The following DNAH6 variants were observed in gnomAD, a reference collection of about 807,000 sequenced individuals.
The protein encoded by DNAH6 is dynein axonemal heavy chain 6.
Under a neutral mutation model 491.4 loss-of-function variants are expected in DNAH6, and 340 were observed. The ratio of observed to expected loss-of-function variants is 0.69; its 90% CI spans 0.63 to 0.76. The LOEUF (loss-of-function observed/expected upper bound fraction) is 0.76. Ranked by LOEUF, DNAH6 falls within the 30% of genes least tolerant of loss-of-function variation. DNAH6 has a pLI of 0.00. For missense variants in DNAH6, 4,443 were observed against 4,972.2 expected, an observed-to-expected ratio of 0.89 and a Z score of 3.20; for synonymous variants, 1,603 against 1,686.1, an observed-to-expected ratio of 0.95 and a Z score of 1.21.
At chr2:84,649,305 C>A (rs552633316) in intron 33 of DNAH6, among the ~76,000 whole-genome samples, 1 of 152,158 alleles carries the variant, frequency 6.6e-6, no homozygotes, top group South Asian at 2.1e-4. Flanking sequence ...TATAAATATA[C>A]GATTAAGTTT....
intron 64 of DNAH6, among the ~76,000 whole-genome samples, chr2:84,775,274 C>T (rs911419660): frequency 6.6e-5 from 10 of 152,004 alleles, no homozygotes; most frequent in Admixed American, 6.6e-4. Context: ...TGATCATATG[C>T]TTTTTTATTT....
In DNAH6 at chr2:84,706,954, TAGA is replaced by T. The variant is rs759897874; in HGVS notation, c.8790_8792del (p.Glu2930del). 1 of 1,544,796 alleles carries T rather than the reference TAGA, an allele frequency of 6.5e-7. No homozygotes were observed. The highest frequency in any genetic ancestry group is 1.2e-5 in the South Asian group (1 of 81,796). ...GAAAAGCAAGCATTACTAAGACAAG[TAGA>T]AGATCAAATACAGGCCTTACAAGAT... On this transcript the variant is annotated inframe_deletion, in exon 53 of 77. Coordinates refer to ENST00000389394, the MANE Select transcript of DNAH6 (RefSeq NM_001370.2).
intron 4 of DNAH6, among the ~76,000 whole-genome samples, chr2:84,542,448 G>A (rs1395837123): frequency 6.6e-6 from 1 of 152,150 alleles, no homozygotes; most frequent in African/African-American, 2.4e-5. Flanking sequence ...CATTTCTGGG[G>A]TGAGTTAATT....
At chr2:84,603,418 A>G (rs1685454963) in intron 18 of DNAH6, among the ~76,000 whole-genome samples, 1 of 151,764 alleles carries the variant, frequency 6.6e-6, no homozygotes, top group African/African-American at 2.4e-5. Flanking sequence ...CTCAATTTCT[A>G]TTTTCCTCTG....
At chr2:84,569,753 T>G (rs1279226146) in intron 11 of DNAH6, among the ~76,000 whole-genome samples, 1 of 152,188 alleles carries the variant, frequency 6.6e-6, no homozygotes, top group Non-Finnish European at 1.5e-5. Flanking sequence ...GTGTATTTTA[T>G]TTAGAGTTGA....
chr2:84,672,399 C>G lies in DNAH6; in HGVS notation c.6527C>G (p.Ser2176Cys), dbSNP rs201284092. 9.3e-5 allele frequency: 145 copies of G among 1,551,646 alleles called. No homozygotes were observed. Among genetic ancestry groups the G allele is most frequent in the Admixed American group, 1.4e-4 (7 of 50,998 alleles). The change falls in exon 40 of 77, where the codon TCT (serine) becomes TGT (cysteine). Residue 2176 changes from serine to cysteine, a missense_variant. Transcript: ENST00000389394. ...LNMPRLDRYGSQPPIELLRQY... is the reference protein window; with the variant it reads ...LNMPRLDRYGCQPPIELLRQY... The stretch of plus-strand genomic sequence containing the variant: ...ATGCCCAGACTGGATCGCTATGGCT[C>G]TCAGCCTCCGATTGAATTACTTCGG...
At chr2:84,589,796 T>C (rs1558762036) in intron 16 of DNAH6, among the ~76,000 whole-genome samples, 1 of 150,976 alleles carries the variant, frequency 6.6e-6, no homozygotes, top group African/African-American at 2.4e-5. Context: ...GGGTAAGAGA[T>C]GCAGGTGCTT....
Position 84,781,039 on chromosome 2 carries a change from G to A in DNAH6, c.10704-454G>A, listed in dbSNP as rs184589181. On this transcript the variant is annotated intron_variant, in intron 64 of 76. Transcript: ENST00000389394. ...GGTGGTGGTACATGTGCACATTTGC[G>A]TTGTGAGAATTCATTGACCCATACA... Among the ~76,000 whole-genome samples the A allele has an allele frequency of 2.8e-3, 432 of 152,232 alleles. 3 individuals carry two copies. Among genetic ancestry groups the A allele is most frequent in the African/African-American group, 1.0e-2 (414 of 41,518 alleles).
intron 1 of DNAH6, among the ~76,000 whole-genome samples, chr2:84,517,490 T>C (rs1373173808): frequency 1.3e-5 from 2 of 152,192 alleles, no homozygotes; most frequent in Non-Finnish European, 1.5e-5. Flanking sequence ...CAATACTAAT[T>C]ACATTTCCTT....
At chr2:84,807,697 A>G (rs73946011) in intron 71 of DNAH6, among the ~76,000 whole-genome samples, 2,622 of 152,196 alleles carry the variant, frequency 0.017, 70 homozygotes, top group African/African-American at 0.06. Context: ...TCCTGCTAGC[A>G]TTTACCACTG....
At chr2:84,530,699 A>G (rs1302078252) in intron 4 of DNAH6, among the ~76,000 whole-genome samples, 1 of 152,130 alleles carries the variant, frequency 6.6e-6, no homozygotes, top group Non-Finnish European at 1.5e-5. Context: ...GGAGAAAGGG[A>G]CTGGGGATGA....
At chr2:84,535,047 TA>T (rs1355920561) in intron 4 of DNAH6, among the ~76,000 whole-genome samples, 9 of 152,090 alleles carry the variant, frequency 5.9e-5, no homozygotes, top group East Asian at 3.9e-4. Context: ...AATTAATGTT[TA>T]TTTTTTTAAT....
rs1182763635 is a variant in DNAH6 at position 84,701,177 on chromosome 2, G to C, written c.7899G>C (p.Lys2633Asn). 3.2e-6 allele frequency: 5 copies of C among 1,551,746 alleles called. No individual in the cohort carries two copies. The South Asian group carries it at 4.8e-5, about 15-fold the overall frequency. Residue 2633 changes from lysine to asparagine, a missense_variant, in exon 49 of 77, where the codon AAG becomes AAC. Physicochemically the swap from Lys to Asn is moderately conservative, Grantham distance 94. Around this residue, in one of 3 missense-constraint regions of DNAH6, gnomAD observed 2,977 missense variants for 3,296.6 expected, o/e 0.90. Transcript: ENST00000389394. ...CTGGAAATGAAGAACTGAAAGAAAA[G>C]CTTCCCTTGATGTGCGTGAACGTTC... ...VDAGNEELKE[K>N]LPLMCVNVHL...
intron 60 of DNAH6, among the ~76,000 whole-genome samples, chr2:84,724,538 C>T (rs925443918): frequency 9.9e-5 from 15 of 152,226 alleles, no homozygotes; most frequent in African/African-American, 1.9e-4. Context: ...GTGTTTCTGA[C>T]ACTCCCTCTG....
chr2:84,745,017 ATTAT>A (rs1672833391), intron 62 of DNAH6, 59 bp from the exon 63 acceptor site: 1 of 1,110,924 alleles, frequency 9.0e-7, no homozygotes, highest in Non-Finnish European at 1.2e-6. Flanking sequence ...ATTACCAAAC[ATTAT>A]TTAATTTCAA....
intron 8 of DNAH6, 80 bp from the exon 9 acceptor site, chr2:84,549,809 A>G: frequency 1.1e-6 from 1 of 946,470 alleles, no homozygotes; most frequent in Non-Finnish European, 1.5e-6. Context: ...TACATTTTAA[A>G]TATTTGCTTT....
chr2:84,777,810 C>A, intron 64 of DNAH6: 2 of 1,140,012 alleles, frequency 1.8e-6, no homozygotes, highest in South Asian at 1.2e-5. Flanking sequence ...ATCTTCCAAG[C>A]CACATAGGTC....
At chr2:84,517,568 T>G (rs1249707321) in intron 1 of DNAH6, among the ~76,000 whole-genome samples, 1 of 152,202 alleles carries the variant, frequency 6.6e-6, no homozygotes. Flanking sequence ...GCCAAGAACT[T>G]GCAAGAAATG....
intron 42 of DNAH6, among the ~76,000 whole-genome samples, chr2:84,683,680 C>G (rs1047655229): frequency 1.6e-4 from 24 of 152,088 alleles, no homozygotes; most frequent in Non-Finnish European, 3.2e-4. Context: ...GCCTCGGCCT[C>G]CCAAAGTGCT....
Sources: gnomAD v4.1 joint callset for allele counts (sites outside exome capture counted in the v4.1 genomes callset) on GRCh38, gnomAD v4.1.1 for gene constraint, gnomAD v4.1.1 regional missense constraint, MANE v1.5 for transcripts, NCBI Gene and HGNC (gene_info 2026-07-23, HGNC 2026-07-21) for gene names.